Variants in PDE1A observed in about 807,000 individuals in gnomAD.
The protein encoded by PDE1A is dual specificity calcium/calmodulin-dependent 3',5'-cyclic nucleotide phosphodiesterase 1A.
In PDE1A, 35 loss-of-function variants were observed where a neutral mutation model predicts 61.7. The observed-to-expected ratio is 0.57, with a 90% CI of 0.43 to 0.75. The LOEUF is 0.75. Among genes scored for constraint, PDE1A ranks in the 30% least tolerant of loss-of-function variants. The pLI is 0.00. For missense variants in PDE1A, 597 were observed against 630.6 expected (o/e 0.95, Z 0.57); for synonymous variants, 232 against 213.2 (o/e 1.09, Z -0.77).
chr2:182,324,955 A>C, intron 1 of PDE1A, among the ~76,000 whole-genome samples: 1 of 152,232 alleles, frequency 6.6e-6, no homozygotes, highest in Non-Finnish European at 1.5e-5. Context: ...TTACTCCTGC[A>C]GCTCAGAAAG....
chr2:182,234,578 G>A (rs1359860036), intron 3 of PDE1A, 80 bp from the exon 4 acceptor site: 1 of 911,120 alleles, frequency 1.1e-6, no homozygotes, highest in Non-Finnish European at 1.8e-6. Context: ...TCAGGGAAAA[G>A]ATTACTTTTG....
At chr2:182,292,754 CTT>C (rs1250736637) in intron 1 of PDE1A, among the ~76,000 whole-genome samples, 1 of 152,026 alleles carries the variant, frequency 6.6e-6, no homozygotes, top group Non-Finnish European at 1.5e-5. Context: ...TCTCCTCTCT[CTT>C]TCTTACCTTT....
exon 1 of PDE1A, chr2:182,426,931 C>T (rs1703661108): frequency 9.0e-7 from 1 of 1,113,174 alleles, no homozygotes; most frequent in African/African-American, 1.6e-5. Flanking sequence ...CGAAACAGAA[C>T]AAAACAAACA....
the PDE1A span, among the ~76,000 whole-genome samples, chr2:182,691,443 T>C: frequency 6.6e-6 from 1 of 152,200 alleles, no homozygotes; most frequent in Non-Finnish European, 1.5e-5. Context: ...TATTCTCTAG[T>C]TAACAAATGG....
intron 1 of PDE1A, among the ~76,000 whole-genome samples, chr2:182,317,510 A>G (rs1422778556): frequency 6.6e-6 from 1 of 152,212 alleles, no homozygotes; most frequent in African/African-American, 2.4e-5. Flanking sequence ...TACTCTGGCA[A>G]TCATCGTATA....
At position 182,181,276 on chromosome 2, in the gene PDE1A, G is replaced by T. The variant is rs188302739; in HGVS notation, c.1516+4616C>A. ...ATGACCTTTGGATGAGGTTTTGTAG[G>T]AGGTCTTTTTTGTTGATGCTTTTGT... On this transcript the variant is annotated intron_variant, in intron 13 of 13. Transcript: ENST00000351439. 1.0e-3 allele frequency among the ~76,000 whole-genome samples: 157 copies of T among 152,228 alleles called. 3 individuals are homozygous for T. The highest frequency in any genetic ancestry group is 4.9e-4 in the Non-Finnish European group (33 of 68,006).
intron 1 of PDE1A, among the ~76,000 whole-genome samples, chr2:182,384,985 G>C (rs960287893): frequency 1.3e-5 from 2 of 152,090 alleles, no homozygotes; most frequent in African/African-American, 4.8e-5. Flanking sequence ...TTATCAACAG[G>C]AGCTTTACAG....
intron 1 of PDE1A, among the ~76,000 whole-genome samples, chr2:182,361,114 C>G (rs1005416272): frequency 6.6e-5 from 10 of 152,058 alleles, no homozygotes; most frequent in Non-Finnish European, 1.2e-4. Flanking sequence ...CTGATTCCCC[C>G]AAGTACTTAC....
At chr2:182,393,944 T>C (rs1050956491) in intron 1 of PDE1A, among the ~76,000 whole-genome samples, 3 of 152,226 alleles carry the variant, frequency 2.0e-5, no homozygotes. Flanking sequence ...AGTTCCACAC[T>C]TTCCCACATC....
chr2:182,652,403 T>G, the PDE1A span, among the ~76,000 whole-genome samples: 5 of 152,092 alleles, frequency 3.3e-5, no homozygotes, highest in Admixed American at 2.0e-4. Flanking sequence ...ACGATCTGGA[T>G]CCCTATTTCA....
chr2:182,296,851 T>C (rs1160519889), intron 1 of PDE1A, among the ~76,000 whole-genome samples: 1 of 152,164 alleles, frequency 6.6e-6, no homozygotes, highest in East Asian at 1.9e-4. Flanking sequence ...AAGGCCTGAA[T>C]AGAACAAAAA....
chr2:182,445,999 A>C (rs1560372), intron 2 of PDE1A, among the ~76,000 whole-genome samples: 1 of 151,910 alleles, frequency 6.6e-6, no homozygotes, highest in Non-Finnish European at 1.5e-5. Flanking sequence ...TTCAGTATTT[A>C]TCACTACTTA....
At chr2:182,406,551 C>G (rs1393741710) in intron 1 of PDE1A, among the ~76,000 whole-genome samples, 1 of 152,138 alleles carries the variant, frequency 6.6e-6, no homozygotes. Flanking sequence ...CCACAATCAT[C>G]CAAGAAGATT....
At chr2:182,534,491 T>C in the PDE1A span, among the ~76,000 whole-genome samples, 1 of 151,948 alleles carries the variant, frequency 6.6e-6, no homozygotes, top group Non-Finnish European at 1.5e-5. Context: ...GGATATTAAA[T>C]TTTTTCTTTC....
the PDE1A span, among the ~76,000 whole-genome samples, chr2:182,681,683 C>T: frequency 1.3e-5 from 2 of 151,734 alleles, no homozygotes; most frequent in Non-Finnish European, 2.9e-5. Flanking sequence ...GAGATGGAGT[C>T]TCGCTCTGTC....
At chr2:182,371,479 A>G (rs1238875540) in intron 1 of PDE1A, among the ~76,000 whole-genome samples, 1 of 152,220 alleles carries the variant, frequency 6.6e-6, no homozygotes, top group Non-Finnish European at 1.5e-5. Context: ...AAGCAATGAA[A>G]AGCTCCCAAT....
the PDE1A span, among the ~76,000 whole-genome samples, chr2:182,671,870 C>T: frequency 2.0e-5 from 3 of 151,924 alleles, no homozygotes; most frequent in Admixed American, 6.6e-5. Context: ...CTGCCCACCT[C>T]GGCCTCCCAA....
chr2:182,312,077 T>C (rs1373095591), intron 1 of PDE1A, among the ~76,000 whole-genome samples: 2 of 152,218 alleles, frequency 1.3e-5, no homozygotes, highest in Non-Finnish European at 2.9e-5. Context: ...TTGCTATTCA[T>C]GTATCCTCTT....
At chr2:182,622,090 G>A in the PDE1A span, among the ~76,000 whole-genome samples, 1 of 152,124 alleles carries the variant, frequency 6.6e-6, no homozygotes. Flanking sequence ...GGTTAAGTAT[G>A]CTCTAAATAC....
Sources: gnomAD v4.1 joint callset for allele counts (sites outside exome capture counted in the v4.1 genomes callset) on GRCh38, gnomAD v4.1.1 for gene constraint, MANE v1.5 for transcripts, NCBI Gene and HGNC (gene_info 2026-07-23, HGNC 2026-07-21) for gene names.